Variants in BRINP3 observed in about 807,000 individuals in gnomAD.
BRINP3 encodes the protein BMP/retinoic acid inducible neural specific 3, also known as BMP/retinoic acid-inducible neural-specific protein 3.
Under a neutral mutation model 71.0 loss-of-function variants are expected in BRINP3, and 19 were observed. The observed-to-expected ratio is 0.27, with a 90% confidence interval of 0.19 to 0.39. The LOEUF (loss-of-function observed/expected upper bound fraction) is 0.39. Ranked by LOEUF, BRINP3 falls within the 10% of genes least tolerant of loss-of-function variation. The pLI, the probability that BRINP3 is intolerant of heterozygous loss-of-function variation, is 1.00. For missense variants in BRINP3, 959 were observed against 940.8 expected (o/e 1.02, Z -0.25); for synonymous variants, 380 against 337.7 (o/e 1.13, Z -1.37).
At chr1:190,362,386 T>C (rs1468169526) in intron 2 of BRINP3, 1 of 152,030 alleles carries the variant, frequency 6.6e-6, no homozygotes, top group African/African-American at 2.4e-5. Context: ...AAAGAAAACA[T>C]GTGTTTTGTA....
At chr1:190,343,501 T>G (rs536084982) in intron 2 of BRINP3, among the ~76,000 whole-genome samples, 1 of 151,798 alleles carries the variant, frequency 6.6e-6, no homozygotes, top group African/African-American at 2.4e-5. Flanking sequence ...ATAATAAGCA[T>G]TCTGCACAGG....
At chr1:190,382,398 T>C (rs1378575118) in intron 2 of BRINP3, among the ~76,000 whole-genome samples, 2 of 152,116 alleles carry the variant, frequency 1.3e-5, no homozygotes, top group African/African-American at 2.4e-5. Context: ...CTAAGAAAAT[T>C]AGAAATGTGG....
At chr1:190,242,180 C>T (rs1659164139) in intron 4 of BRINP3, among the ~76,000 whole-genome samples, 1 of 151,888 alleles carries the variant, frequency 6.6e-6, no homozygotes, top group Non-Finnish European at 1.5e-5. Flanking sequence ...ATTTCAGTAG[C>T]AAAATGTTTC....
intron 2 of BRINP3, among the ~76,000 whole-genome samples, chr1:190,324,001 A>C (rs1224322584): frequency 6.6e-6 from 1 of 152,016 alleles, no homozygotes; most frequent in Non-Finnish European, 1.5e-5. Flanking sequence ...AAAAATAGAA[A>C]AATATCAATG....
chr1:190,109,450 A>T (rs1652478592), intron 7 of BRINP3, among the ~76,000 whole-genome samples: 1 of 152,184 alleles, frequency 6.6e-6, no homozygotes, highest in African/African-American at 2.4e-5. Flanking sequence ...CTATTGACAC[A>T]TTCCTCATAT....
chr1:190,160,970 G>T, intron 6 of BRINP3, 80 bp from the exon 7 acceptor site: 1 of 954,686 alleles, frequency 1.0e-6, no homozygotes, highest in Non-Finnish European at 1.6e-6. Context: ...TCAATATTAA[G>T]AACAAATACA....
chr1:190,341,732 T>C (rs560332171), intron 2 of BRINP3, among the ~76,000 whole-genome samples: 1 of 151,834 alleles, frequency 6.6e-6, no homozygotes, highest in East Asian at 2.0e-4. Context: ...AAAAATTACA[T>C]GCACAAAGAC....
At chr1:190,276,628 T>TACATACACACACAC (rs920643379) in intron 3 of BRINP3, among the ~76,000 whole-genome samples, 1 of 150,810 alleles carries the variant, frequency 6.6e-6, no homozygotes, top group Admixed American at 6.7e-5. Context: ...GGCATAGTTT[T>TACATACACACACAC]ACATACACAC....
chr1:190,127,655 T>C (rs1470913427), intron 7 of BRINP3, among the ~76,000 whole-genome samples: 1 of 151,850 alleles, frequency 6.6e-6, no homozygotes, highest in Non-Finnish European at 1.5e-5. Flanking sequence ...GAAATCAAAA[T>C]AAAAGTAATG....
At position 190,151,703 on chromosome 1, in the gene BRINP3, C is replaced by A. The variant is rs80145324; in HGVS notation, c.1184+8965G>T. 7.4e-4 allele frequency among the ~76,000 whole-genome samples: 112 copies of A among 152,152 alleles called. 2 individuals are homozygous for A. In the East Asian group the frequency reaches 0.015, roughly 20 times the overall value. On this transcript the variant is annotated intron_variant, in intron 7 of 7. Transcript: ENST00000367462. ...GACATAGTGGTGTAATCTCTGAGTCCATTTGAGAAGGTAATGAAGTAATTG... is the reference window on the plus strand; with the variant it reads ...GACATAGTGGTGTAATCTCTGAGTCAATTTGAGAAGGTAATGAAGTAATTG...
At chr1:190,413,146 CAGAA>C (rs1672798700) in intron 2 of BRINP3, among the ~76,000 whole-genome samples, 1 of 151,990 alleles carries the variant, frequency 6.6e-6, no homozygotes, top group Non-Finnish European at 1.5e-5. Flanking sequence ...GGGAACTTAA[CAGAA>C]AGGAAGGTGT....
At chr1:190,174,103 A>G (rs1025143240) in intron 6 of BRINP3, among the ~76,000 whole-genome samples, 3 of 152,188 alleles carry the variant, frequency 2.0e-5, no homozygotes, top group Non-Finnish European at 4.4e-5. Flanking sequence ...AAAGAATAAC[A>G]AAATAATCAC....
rs773534549 is a variant in BRINP3, at chr1:190,098,131, G to C, written c.2188C>G (p.His730Asp). The change falls in exon 8 of 8, where the codon CAT becomes GAT. Residue 730 changes from histidine (H) to aspartate (D), a missense_variant. Transcript: ENST00000367462. ...RLDLFSCLLR[H>D]RLKLSTSEVV... ...TCACTAGTAGACAGCTTGAGTCTATGACGAAGCAAGCAAGAGAAAAGATCT... is the reference window on the plus strand; with the variant it reads ...TCACTAGTAGACAGCTTGAGTCTATCACGAAGCAAGCAAGAGAAAAGATCT... 1 of 1,614,170 alleles carries C rather than the reference G, an allele frequency of 6.2e-7. No individual in the cohort carries two copies. Among genetic ancestry groups the C allele is most frequent in the South Asian group, 1.1e-5 (1 of 91,080 alleles).
intron 7 of BRINP3, among the ~76,000 whole-genome samples, chr1:190,118,703 T>G (rs561445747): frequency 6.6e-6 from 1 of 152,292 alleles, no homozygotes; most frequent in Admixed American, 6.5e-5. Context: ...AAAACCAGCT[T>G]CTTCTTAAAG....
At position 190,243,429 on chromosome 1, in the gene BRINP3, C is replaced by T. The variant is rs1305760179; in HGVS notation, c.619-8952G>A. ...AAAGCTTTCATTACTTTCCTAATTGCATGAATATACATTTAGAAAACTGAC... is the reference window on the plus strand; with the variant it reads ...AAAGCTTTCATTACTTTCCTAATTGTATGAATATACATTTAGAAAACTGAC... On this transcript the variant is annotated intron_variant, in intron 4 of 7. Coordinates refer to ENST00000367462, the MANE Select transcript of BRINP3 (RefSeq NM_199051.3). 2.0e-5 allele frequency among the ~76,000 whole-genome samples: 3 copies of T among 151,972 alleles called. No individual in the cohort carries two copies. In the East Asian group the frequency reaches 5.8e-4, roughly 29 times the overall value.
At chr1:190,142,745 A>G (rs903116370) in intron 7 of BRINP3, among the ~76,000 whole-genome samples, 1 of 152,098 alleles carries the variant, frequency 6.6e-6, no homozygotes, top group East Asian at 1.9e-4. Context: ...AAAAATTAAA[A>G]ATATGGAATT....
chr1:190,297,397 G>T (rs904192250), intron 2 of BRINP3, among the ~76,000 whole-genome samples: 3 of 152,038 alleles, frequency 2.0e-5, no homozygotes, highest in African/African-American at 4.8e-5. Context: ...AGACTTAAAT[G>T]TAAGAACTGA....
chr1:190,414,090 T>C (rs747057726), intron 2 of BRINP3, among the ~76,000 whole-genome samples: 25 of 152,274 alleles, frequency 1.6e-4, no homozygotes, highest in Non-Finnish European at 2.6e-4. Flanking sequence ...CTGGCCTGAT[T>C]TATTTTAATC....
intron 6 of BRINP3, chr1:190,217,125 A>T (rs571692529): frequency 6.6e-6 from 1 of 152,066 alleles, no homozygotes; most frequent in South Asian, 2.1e-4. Context: ...AAAGTGAAGA[A>T]TTCCCAGCAG....
Sources: allele counts gnomAD v4.1 joint callset (sites outside exome capture counted in the v4.1 genomes callset), GRCh38; gene constraint gnomAD v4.1.1; transcripts MANE v1.5; gene names NCBI Gene and HGNC (gene_info 2026-07-23, HGNC 2026-07-21).